Variants in EIF3E observed in about 807,000 individuals in gnomAD.
EIF3E encodes eIF-3 p48.
A neutral mutation model predicts 59.3 loss-of-function variants in EIF3E; 25 were observed. The observed-to-expected ratio is 0.42, with a 90% CI of 0.31 to 0.59. The LOEUF is 0.59. Ranked by LOEUF, EIF3E falls within the 20% of genes least tolerant of loss-of-function variation. The pLI is 0.15. For synonymous variants in EIF3E, 176 were observed against 170.2 expected, an observed-to-expected ratio of 1.03 and a Z score of -0.26; for missense variants, 317 against 534.3, an observed-to-expected ratio of 0.59 and a Z score of 4.01.
intron 10 of EIF3E, among the ~76,000 whole-genome samples, chr8:108,207,438 A>G (rs1180032240): frequency 1.3e-5 from 2 of 152,220 alleles, no homozygotes; most frequent in African/African-American, 4.8e-5. Flanking sequence ...AAATAAAACC[A>G]ATTTTAAAAA....
At chr8:108,206,735 TCA>T (rs1337250013) in intron 10 of EIF3E, among the ~76,000 whole-genome samples, 7 of 152,216 alleles carry the variant, frequency 4.6e-5, no homozygotes, top group African/African-American at 4.8e-5. Context: ...CCCAGCAGTT[TCA>T]GACTGCAGTA....
chr8:108,203,364 A>C, intron 11 of EIF3E, 37 bp downstream of exon 11: 1 of 1,548,330 alleles, frequency 6.5e-7, no homozygotes, highest in Admixed American at 1.7e-5. Flanking sequence ...TATAATCAGG[A>C]ACTGATAGTA....
chr8:108,235,096 G>T lies in EIF3E; in HGVS notation c.373C>A (p.Gln125Lys). 1 of 1,533,922 alleles carries T rather than the reference G, an allele frequency of 6.5e-7. No individual in the cohort carries two copies. The highest frequency in any genetic ancestry group is 8.7e-7 in the Non-Finnish European group (1 of 1,144,098). Residue 125 changes from glutamine (Q) to lysine (K), a missense_variant, in exon 5 of 13, where the codon CAG becomes AAG. By Grantham distance (53) the Gln-to-Lys change is moderately conservative (BLOSUM62 1). Coordinates refer to ENST00000220849, the MANE Select transcript of EIF3E (RefSeq NM_001568.3). The stretch of plus-strand genomic sequence containing the variant: ...CTGTAGAGTGTATCTAAATATTCCT[G>T]CCTAAACTAAAAAGAAAAAAAAAAG... ...DYLADKHGFR[Q>K]EYLDTLYRYA...
intron 5 of EIF3E, chr8:108,231,909 A>G (rs1427415857): frequency 6.6e-6 from 1 of 151,970 alleles, no homozygotes; most frequent in Non-Finnish European, 1.5e-5. Context: ...ACACTGACCT[A>G]CAATAGGTCA....
intron 10 of EIF3E, among the ~76,000 whole-genome samples, chr8:108,207,494 T>C (rs894670523): frequency 4.6e-5 from 7 of 152,200 alleles, no homozygotes; most frequent in Non-Finnish European, 1.0e-4. Flanking sequence ...TTGCCTCATG[T>C]TACTGAAAAT....
Position 108,217,345 on chromosome 8 carries a change from C to T in EIF3E, c.838G>A (p.Val280Ile), listed in dbSNP as rs1392819580. ...RRQVLKDLVKVIQQESYTYKD... is the reference protein window; with the variant it reads ...RRQVLKDLVKIIQQESYTYKD... ...TATTTTAGTTTTACCTGTTGAATAA[C>T]TTTAACTAGATCTTTTAGAACCTGC... Residue 280 changes from valine to isoleucine, a missense_variant, in exon 8 of 13, where the codon GTT becomes ATT. Val to Ile is a conservative substitution (Grantham distance 29). Coordinates refer to ENST00000220849, the MANE Select transcript of EIF3E (RefSeq NM_001568.3). The T allele has an allele frequency of 1.3e-6, 2 of 1,551,986 alleles. No homozygotes were observed. The highest frequency in any genetic ancestry group is 1.4e-5 in the African/African-American group (1 of 72,990).
intron 12 of EIF3E, 68 bp from the exon 13 acceptor site, chr8:108,201,991 G>A: frequency 7.1e-7 from 1 of 1,404,490 alleles, no homozygotes; most frequent in Non-Finnish European, 9.6e-7. Context: ...TAACATAGAA[G>A]AAAGTAACAC....
chr8:108,214,641 T>A lies in EIF3E; in HGVS notation c.1027A>T (p.Thr343Ser), dbSNP rs1022067524. 6.2e-7 allele frequency: 1 copy of A among 1,610,592 alleles called. No individual in the cohort carries two copies. Among genetic ancestry groups the A allele is most frequent in the Non-Finnish European group, 8.5e-7 (1 of 1,179,242 alleles). The change falls in exon 10 of 13, where the codon ACT becomes TCT. Residue 343 changes from threonine (T) to serine (S), a missense_variant. Thr to Ser is a moderately conservative substitution (Grantham distance 58). Transcript: ENST00000220849. The stretch of plus-strand genomic sequence containing the variant: ...ATACACTGGTGGATGCGACAGAAAG[T>A]CTCAAATATGAAGAGACGGGCATTT... The part of the protein sequence containing the change: ...IENARLFIFE[T>S]FCRIHQCISI...
At chr8:108,244,656 A>G (rs956929261) in intron 1 of EIF3E, among the ~76,000 whole-genome samples, 1 of 151,770 alleles carries the variant, frequency 6.6e-6, no homozygotes, top group Non-Finnish European at 1.5e-5. Context: ...GCCCTTTCTA[A>G]TTTTTGTAAT....
intron 10 of EIF3E, among the ~76,000 whole-genome samples, chr8:108,213,124 C>G (rs1815242316): frequency 6.6e-6 from 1 of 152,162 alleles, no homozygotes; most frequent in Non-Finnish European, 1.5e-5. Context: ...AGCTGCACAT[C>G]TCCCTTCAGT....
At chr8:108,243,940 T>G (rs568590683) in intron 1 of EIF3E, among the ~76,000 whole-genome samples, 2 of 152,312 alleles carry the variant, frequency 1.3e-5, no homozygotes, top group South Asian at 4.1e-4. Context: ...CTCTCCACAA[T>G]AGATTCAATA....
intron 9 of EIF3E, among the ~76,000 whole-genome samples, chr8:108,215,738 G>A (rs1815289979): frequency 6.6e-6 from 1 of 152,102 alleles, no homozygotes; most frequent in African/African-American, 2.4e-5. Flanking sequence ...TGGTTCCAAG[G>A]GTGAAACTGA....
intron 3 of EIF3E, among the ~76,000 whole-genome samples, chr8:108,239,131 G>A (rs1459123071): frequency 6.6e-5 from 10 of 152,230 alleles, no homozygotes; most frequent in Non-Finnish European, 1.0e-4. Context: ...CTCTTATAAC[G>A]AGATACCCAT....
At chr8:108,220,967 G>A (rs894597909) in intron 7 of EIF3E, among the ~76,000 whole-genome samples, 22 of 152,262 alleles carry the variant, frequency 1.4e-4, no homozygotes, top group African/African-American at 4.6e-4. Context: ...TGAGTGAACC[G>A]AGGCTGCAGT....
At chr8:108,238,376 A>G (rs975766823) in intron 3 of EIF3E, among the ~76,000 whole-genome samples, 2 of 152,144 alleles carry the variant, frequency 1.3e-5, no homozygotes, top group African/African-American at 2.4e-5. Context: ...TGCAGGTGCT[A>G]AAGTCCCTTA....
intron 10 of EIF3E, among the ~76,000 whole-genome samples, chr8:108,212,663 G>C (rs572126506): frequency 2.2e-4 from 33 of 152,060 alleles, no homozygotes; most frequent in Non-Finnish European, 7.4e-5. Flanking sequence ...TTAGCTGGGC[G>C]TGGTGGCACA....
At chr8:108,218,048 G>A (rs1815336499) in intron 7 of EIF3E, among the ~76,000 whole-genome samples, 1 of 152,132 alleles carries the variant, frequency 6.6e-6, no homozygotes, top group Non-Finnish European at 1.5e-5. Flanking sequence ...TGATCAACAT[G>A]GGACAATGCC....
chr8:108,242,894 C>G (rs1005221818), intron 1 of EIF3E: 1 of 156,318 alleles, frequency 6.4e-6, no homozygotes, highest in African/African-American at 2.4e-5. Flanking sequence ...TGTAGACTAA[C>G]TGGAACCTAT....
intron 10 of EIF3E, among the ~76,000 whole-genome samples, chr8:108,210,970 T>G (rs1299357093): frequency 2.0e-5 from 3 of 152,182 alleles, no homozygotes; most frequent in Non-Finnish European, 4.4e-5. Context: ...TGTATATGTG[T>G]CACATTTTCT....
Sources: gnomAD v4.1 joint callset for allele counts (sites outside exome capture counted in the v4.1 genomes callset) on GRCh38, gnomAD v4.1.1 for gene constraint, MANE v1.5 for transcripts, NCBI Gene and HGNC (gene_info 2026-07-23, HGNC 2026-07-21) for gene names.